The following HAPLN1 variants were observed in gnomAD, a reference collection of about 807,000 sequenced individuals.
HAPLN1 encodes the protein Cartilage link protein.
Under a neutral mutation model 36.5 loss-of-function variants are expected in HAPLN1, and 13 were observed. The ratio of observed to expected loss-of-function variants is 0.36; its 90% CI spans 0.23 to 0.57. HAPLN1 has a LOEUF of 0.57. Ranked by LOEUF, HAPLN1 falls within the 20% of genes least tolerant of loss-of-function variation. The pLI, the probability that HAPLN1 is intolerant of heterozygous loss-of-function variation, is 0.83. For synonymous variants in HAPLN1, 202 were observed against 169.8 expected (o/e 1.19, Z -1.48); for missense variants, 407 against 439.7 (o/e 0.93, Z 0.66).
chr5:83,702,275 T>TA (rs1751525430), intron 1 of HAPLN1, among the ~76,000 whole-genome samples: 2 of 151,920 alleles, frequency 1.3e-5, no homozygotes, highest in African/African-American at 2.4e-5. Context: ...TTTCATGGCT[T>TA]AAAAAAATAG....
intron 2 of HAPLN1, among the ~76,000 whole-genome samples, chr5:83,668,396 T>A (rs572898062): frequency 6.2e-4 from 94 of 152,330 alleles, no homozygotes; most frequent in Middle Eastern, 6.8e-3. Context: ...CGGACTTTTA[T>A]CAGCCAGGTA....
rs574452565 is a variant in HAPLN1, at chr5:83,646,315, C to G, written c.473-1650G>C. Reference sequence around the variant, plus strand: ...AGTATTTTGGCATCTGGAATGCAAACATTTGTCCCACTGACACAGTAATTT... The same window carrying G: ...AGTATTTTGGCATCTGGAATGCAAAGATTTGTCCCACTGACACAGTAATTT... On this transcript the variant is annotated intron_variant, in intron 3 of 4. Transcript: ENST00000274341. Among the ~76,000 whole-genome samples, 211 of 152,294 alleles carry G rather than the reference C, an allele frequency of 1.4e-3. 1 individual carries two copies. The highest frequency in any genetic ancestry group is 5.0e-3 in the African/African-American group (206 of 41,548).
chr5:83,691,489 T>G (rs1751272366), intron 1 of HAPLN1, among the ~76,000 whole-genome samples: 1 of 152,052 alleles, frequency 6.6e-6, no homozygotes, highest in Non-Finnish European at 1.5e-5. Context: ...TTTAAAATCT[T>G]AAGATGAATC....
intron 1 of HAPLN1, among the ~76,000 whole-genome samples, chr5:83,718,387 A>T (rs1215246235): frequency 6.6e-6 from 1 of 152,204 alleles, no homozygotes; most frequent in Non-Finnish European, 1.5e-5. Flanking sequence ...TCTTTGACTT[A>T]TCCACTAGGT....
rs56005008 is a variant in HAPLN1 at position 83,661,435 on chromosome 5, C to CTTTTTTTTTTTTTTT, written c.101-8626_101-8612dup. ...CAATGGTGGTCTGTGAGAAAAGCTT[C>CTTTTTTTTTTTTTTT]TTTTTTTTTTTTTTTTTTTTTTTTT... On this transcript the variant is annotated intron_variant, in intron 2 of 4. Coordinates refer to ENST00000274341, the MANE Select transcript of HAPLN1 (RefSeq NM_001884.4). Among the ~76,000 whole-genome samples the CTTTTTTTTTTTTTTT allele has an allele frequency of 9.5e-5, 6 of 62,976 alleles. 2 individuals are homozygous for CTTTTTTTTTTTTTTT. Among genetic ancestry groups the CTTTTTTTTTTTTTTT allele is most frequent in the African/African-American group, 4.0e-4 (6 of 14,850 alleles). The allele number at this position is 62,976 out of a possible 152,430, so 41.3% of individuals were successfully genotyped here.
At chr5:83,690,299 T>C (rs1250739650) in intron 1 of HAPLN1, among the ~76,000 whole-genome samples, 1 of 152,040 alleles carries the variant, frequency 6.6e-6, no homozygotes, top group Non-Finnish European at 1.5e-5. Context: ...CTTTGAAAAT[T>C]CCAGGAAAAA....
At chr5:83,695,090 T>C (rs569355608) in intron 1 of HAPLN1, among the ~76,000 whole-genome samples, 6 of 152,274 alleles carry the variant, frequency 3.9e-5, no homozygotes, top group African/African-American at 1.4e-4. Flanking sequence ...CCCAGAAATT[T>C]AAGGTTTTCT....
At chr5:83,652,179 A>G (rs140733896) in intron 3 of HAPLN1, 64 of 402,088 alleles carry the variant, frequency 1.6e-4, no homozygotes, top group East Asian at 1.1e-3. Flanking sequence ...TTTGAATAAC[A>G]TAAGGCAGTA....
chr5:83,660,567 C>A (rs1750357510), intron 2 of HAPLN1, among the ~76,000 whole-genome samples: 1 of 152,092 alleles, frequency 6.6e-6, no homozygotes, highest in African/African-American at 2.4e-5. Flanking sequence ...ACCAGAAACT[C>A]TGATAATATC....
intron 1 of HAPLN1, among the ~76,000 whole-genome samples, chr5:83,698,173 GA>G (rs1751434935): frequency 6.6e-6 from 1 of 151,950 alleles, no homozygotes; most frequent in Non-Finnish European, 1.5e-5. Context: ...AATCTATTTT[GA>G]AAGAATTTTT....
At chr5:83,650,518 G>T (rs1462876598) in intron 3 of HAPLN1, among the ~76,000 whole-genome samples, 1 of 151,942 alleles carries the variant, frequency 6.6e-6, no homozygotes, top group Non-Finnish European at 1.5e-5. Context: ...TGGTTTCTTG[G>T]ACCACATTTA....
chr5:83,680,971 T>C (rs1341311804), intron 1 of HAPLN1, among the ~76,000 whole-genome samples: 1 of 152,208 alleles, frequency 6.6e-6, no homozygotes, highest in Non-Finnish European at 1.5e-5. Flanking sequence ...AATGCTGCCA[T>C]GATATATTGG....
intron 1 of HAPLN1, among the ~76,000 whole-genome samples, chr5:83,705,406 AAAAG>A (rs1561323888): frequency 6.6e-6 from 1 of 151,008 alleles, no homozygotes; most frequent in Non-Finnish European, 1.5e-5. Context: ...AAAAAAAAAA[AAAAG>A]AAAGAAAGAA....
At chr5:83,693,993 C>T (rs1751335909) in intron 1 of HAPLN1, among the ~76,000 whole-genome samples, 1 of 151,914 alleles carries the variant, frequency 6.6e-6, no homozygotes, top group Non-Finnish European at 1.5e-5. Flanking sequence ...AGAGCAAGTA[C>T]ACATTCTTTT....
At chr5:83,662,064 G>A (rs935740507) in intron 2 of HAPLN1, among the ~76,000 whole-genome samples, 3 of 152,198 alleles carry the variant, frequency 2.0e-5, no homozygotes, top group Admixed American at 6.5e-5. Flanking sequence ...CACCGTGTCC[G>A]GTTAATTTTT....
intron 4 of HAPLN1, 100 bp downstream of exon 4, chr5:83,644,263 G>T: frequency 4.1e-6 from 4 of 973,136 alleles, no homozygotes; most frequent in Non-Finnish European, 5.6e-6. Flanking sequence ...GCTTGTTTTT[G>T]TTTGTTTTTC....
chr5:83,659,897 G>T (rs1003565451), intron 2 of HAPLN1, among the ~76,000 whole-genome samples: 3 of 152,022 alleles, frequency 2.0e-5, no homozygotes, highest in African/African-American at 7.3e-5. Flanking sequence ...GATAAGTGGA[G>T]ATCTTTGATA....
intron 1 of HAPLN1, among the ~76,000 whole-genome samples, chr5:83,720,560 T>C (rs1381550515): frequency 6.6e-6 from 1 of 152,246 alleles, no homozygotes; most frequent in Non-Finnish European, 1.5e-5. Flanking sequence ...GAGTTAATTC[T>C]TTCTCCATTT....
intron 1 of HAPLN1, among the ~76,000 whole-genome samples, chr5:83,693,298 A>C (rs1051185082): frequency 3.9e-5 from 6 of 151,912 alleles, no homozygotes; most frequent in Non-Finnish European, 8.8e-5. Context: ...ATATACTATA[A>C]AACCTAAAGC....
Sources: gnomAD v4.1 joint callset for allele counts (sites outside exome capture counted in the v4.1 genomes callset) on GRCh38, gnomAD v4.1.1 for gene constraint, MANE v1.5 for transcripts, NCBI Gene and HGNC (gene_info 2026-07-23, HGNC 2026-07-21) for gene names.